Variants in PEAR1 observed in about 807,000 individuals in gnomAD.
PEAR1 encodes multiple EGF-like domains protein 12.
PEAR1 carries 113 observed loss-of-function variants against 131.2 expected under a neutral mutation model. That is an observed-to-expected ratio of 0.86 (90% CI 0.74 to 1.01). The LOEUF is 1.01. Among genes scored for constraint, PEAR1 ranks in the 50% least tolerant of loss-of-function variants. The pLI is 0.00. For synonymous variants in PEAR1, 565 were observed against 523.3 expected (o/e 1.08, Z -1.09); for missense variants, 1,408 against 1,391.1 (o/e 1.01, Z -0.19).
In PEAR1 at chr1:156,916,323, T is replaced by G. The variant is rs1034321183; in HGVS notation, c.*1525T>G. ...ATATTTCAAGCATTTTCATTGTTAT[T>G]ATATGTGTTATAGTGATCTGTGATC... is the stretch of plus-strand genomic sequence containing the variant. On this transcript the variant is annotated 3_prime_UTR_variant, in exon 23 of 23. Transcript: ENST00000292357. 1 of 152,242 alleles carries G rather than the reference T, an allele frequency of 6.6e-6. No homozygotes were observed. The highest frequency in any genetic ancestry group is 1.5e-5 in the Non-Finnish European group (1 of 68,046). 9.4% of individuals were successfully genotyped at this position (152,242 alleles called of 1,614,324 possible).
chr1:156,907,498 A>G (rs766268910), intron 6 of PEAR1, 112 bp from the exon 7 acceptor site: 8 of 1,468,894 alleles, frequency 5.4e-6, no homozygotes, highest in South Asian at 1.5e-5. Flanking sequence ...AGGAAAGAGC[A>G]AGTGTGAATC....
intron 5 of PEAR1, 62 bp downstream of exon 5, chr1:156,906,430 G>A: frequency 4.4e-6 from 7 of 1,588,908 alleles, no homozygotes; most frequent in East Asian, 2.2e-5. Flanking sequence ...GGACCCTCAG[G>A]TACACCCTCC....
intron 1 of PEAR1, among the ~76,000 whole-genome samples, chr1:156,897,002 G>A (rs1020764664): frequency 3.9e-5 from 6 of 152,216 alleles, no homozygotes; most frequent in Middle Eastern, 3.2e-3. Context: ...CTACTGTCTG[G>A]AGTACGGGGA....
chr1:156,896,229 A>G (rs1649148644), intron 1 of PEAR1, among the ~76,000 whole-genome samples: 1 of 152,308 alleles, frequency 6.6e-6, no homozygotes, highest in Admixed American at 6.5e-5. Flanking sequence ...GCATAATAGC[A>G]CTTACTTTAT....
At chr1:156,914,223 C>G in intron 22 of PEAR1, 123 bp downstream of exon 22, 1 of 1,412,264 alleles carries the variant, frequency 7.1e-7, no homozygotes, top group South Asian at 1.5e-5. Flanking sequence ...CCTTTGGGGT[C>G]AGCTTCGGGC....
rs959193994 is a variant in PEAR1, at chr1:156,907,496, G to A, written c.645-114G>A. On this transcript the variant is annotated intron_variant, in intron 6 of 22. Transcript: ENST00000292357. ...ACTCGACAGTCCCCAGCAGGAAAGA[G>A]CAAGTGTGAATCACTAAGTCCTGAG... 1.8e-5 allele frequency: 26 copies of A among 1,469,518 alleles called. No individual in the cohort carries two copies. The Admixed American group carries it at 4.4e-4, about 25-fold the overall frequency. 91.0% of individuals were successfully genotyped at this position (1,469,518 alleles called of 1,614,324 possible). A position where few individuals can be genotyped will look rare whatever the true frequency, so the allele number is the denominator to read the frequency against.
intron 22 of PEAR1, 115 bp downstream of exon 22, chr1:156,914,215 T>C: frequency 7.0e-7 from 1 of 1,426,262 alleles, no homozygotes; most frequent in Non-Finnish European, 9.3e-7. Context: ...GAGTGAGGCC[T>C]TTGGGGTCAG....
intron 3 of PEAR1, 131 bp downstream of exon 3, chr1:156,904,983 G>A (rs745666754): frequency 1.3e-6 from 2 of 1,555,950 alleles, no homozygotes; most frequent in Non-Finnish European, 1.7e-6. Context: ...GATTCATTCT[G>A]CATGGTCTGT....
chr1:156,912,169 T>TC lies in PEAR1; in HGVS notation c.1952-77dup, dbSNP rs528242119. Reference sequence around the variant, plus strand: ...GGAGACCAAAGCTGAGCTAAAGGCTTCAGTGATGCTGGGGGCTGAGAGTTC... The same window carrying TC: ...GGAGACCAAAGCTGAGCTAAAGGCTTCCAGTGATGCTGGGGGCTGAGAGTTC... On this transcript the variant is annotated intron_variant, in intron 15 of 22. Coordinates refer to ENST00000292357, the MANE Select transcript of PEAR1 (RefSeq NM_001080471.3). 1.7e-3 allele frequency: 2,651 copies of TC among 1,525,710 alleles called. 4 individuals are homozygous for TC. Among genetic ancestry groups the TC allele is most frequent in the Middle Eastern group, 7.4e-3 (33 of 4,488 alleles). The allele number at this position is 1,525,710 out of a possible 1,614,324, so 94.5% of individuals were successfully genotyped here. A position where few individuals can be genotyped will look rare whatever the true frequency, so the allele number is the denominator to read the frequency against.
chr1:156,916,119 A>C lies in PEAR1; in HGVS notation c.*1321A>C, dbSNP rs1031668900. 2 of 152,212 alleles carry C rather than the reference A, an allele frequency of 1.3e-5. No homozygotes were observed. The highest frequency in any genetic ancestry group is 1.3e-4 in the Admixed American group (2 of 15,276). The allele number at this position is 152,212 out of a possible 1,614,324, so 9.4% of individuals were successfully genotyped here. A position where few individuals can be genotyped will look rare whatever the true frequency, so the allele number is the denominator to read the frequency against. ...ATTTATTGCACTTCACAGGTAGCAG[A>C]ATTTTTAAAGAAATTGAAGGTTTTG... On this transcript the variant is annotated 3_prime_UTR_variant, in exon 23 of 23. Coordinates refer to ENST00000292357, the MANE Select transcript of PEAR1 (RefSeq NM_001080471.3).
rs370101231 is a variant in PEAR1, at chr1:156,905,321, C to T, written c.207-3C>T. On this transcript the variant is annotated splice_region_variant and splice_polypyrimidine_tract_variant and intron_variant, in intron 3 of 22. Transcript: ENST00000292357. Reference sequence around the variant, plus strand: ...CTGAGGGCCGCCTTCCTGGCCTCCGCAGGGTTGTATACCGGACCGTGTACC... The same window carrying T: ...CTGAGGGCCGCCTTCCTGGCCTCCGTAGGGTTGTATACCGGACCGTGTACC... The T allele has an allele frequency of 1.9e-6, 3 of 1,610,870 alleles. No individual in the cohort carries two copies. In the African/African-American group the frequency reaches 4.0e-5, roughly 22 times the overall value.
At position 156,908,246 on chromosome 1, in the gene PEAR1, A is replaced by G; in HGVS notation, c.1021A>G (p.Thr341Ala). The change falls in exon 9 of 23, where the codon ACT (threonine) becomes GCT (alanine). Residue 341 changes from threonine (T) to alanine (A), a missense_variant. By Grantham distance (58) the Thr-to-Ala change is moderately conservative. Transcript: ENST00000292357. This position sits in a 1 kb window ranked among gnomAD's most constrained non-coding sequence, Gnocchi z 4.2. The part of the protein sequence containing the change: ...NGACLCEHGF[T>A]GDRCTDRLCP... Reference sequence around the variant, plus strand: ...CGCATGTCTGTGCGAACACGGCTTCACTGGGGACCGCTGCACGGATCGCCT... The same window carrying G: ...CGCATGTCTGTGCGAACACGGCTTCGCTGGGGACCGCTGCACGGATCGCCT... 2 of 1,599,146 alleles carry G rather than the reference A, an allele frequency of 1.3e-6. No individual in the cohort carries two copies. The highest frequency in any genetic ancestry group is 1.7e-6 in the Non-Finnish European group (2 of 1,177,150).
chr1:156,904,064 C>G lies in PEAR1; in HGVS notation c.101+37C>G, dbSNP rs771584847. On this transcript the variant is annotated intron_variant, in intron 2 of 22. Transcript: ENST00000292357. ...CCTGCTGCACCTTGAGGGCACCAAG[C>G]CCTAGCTCCCGATTGTCCCTATTGT... 5 of 1,541,250 alleles carry G rather than the reference C, an allele frequency of 3.2e-6. No homozygotes were observed. In the Middle Eastern group the frequency reaches 5.1e-4, roughly 156 times the overall value.
intron 1 of PEAR1, among the ~76,000 whole-genome samples, 179 bp from the exon 2 acceptor site, chr1:156,903,739 G>A (rs1172862369): frequency 3.3e-5 from 5 of 152,194 alleles, no homozygotes; most frequent in Non-Finnish European, 4.4e-5. Context: ...CCGGAGGCGT[G>A]GAAGTGACTG....
intron 5 of PEAR1, 46 bp downstream of exon 5, chr1:156,906,414 G>T (rs6688345): frequency 6.2e-7 from 1 of 1,603,262 alleles, no homozygotes; most frequent in Non-Finnish European, 8.5e-7. Flanking sequence ...TGCCTTCAGG[G>T]CCACAGGACC....
In PEAR1 at chr1:156,912,798, G is replaced by A. The variant is rs75198597; in HGVS notation, c.2238G>A (p.Pro746=). The change falls in exon 18 of 23, where the codon CCG becomes CCA. Residue 746 remains proline, a synonymous_variant. Transcript: ENST00000292357. ...IGIQEPFTVM[P]TTPVAYNSLG... is the part of the protein sequence containing the mutation. ...TCCAGGAGCCCTTTACTGTGATGCC[G>A]ACCACTCCAGTAGCGTATAACTCGC... 2.3e-3 allele frequency: 3,640 copies of A among 1,614,144 alleles called. 70 individuals are homozygous for A. The African/African-American group carries it at 0.041, about 18-fold the overall frequency.
At chr1:156,904,138 T>TCTGA (rs1649971705) in intron 2 of PEAR1, 111 bp downstream of exon 2, 1 of 834,094 alleles carries the variant, frequency 1.2e-6, no homozygotes, top group Admixed American at 2.0e-5. Flanking sequence ...CTTCCTTCTC[T>TCTGA]CTAGTCTCTC....
At chr1:156,914,558 T>C in intron 22 of PEAR1, 89 bp from the exon 23 acceptor site, 1 of 1,342,182 alleles carries the variant, frequency 7.5e-7, no homozygotes, top group Non-Finnish European at 1.0e-6. Context: ...TTGAAGAGGC[T>C]GAAGAGGAGA....
intron 1 of PEAR1, 42 bp downstream of exon 1, chr1:156,893,879 G>A (rs369333582): frequency 6.6e-6 from 1 of 152,270 alleles, no homozygotes; most frequent in Admixed American, 6.5e-5. Context: ...GCCCGGTGGT[G>A]CGGCCCCGGA....
Sources: allele counts gnomAD v4.1 joint callset (sites outside exome capture counted in the v4.1 genomes callset), GRCh38; gene constraint gnomAD v4.1.1; non-coding constraint Gnocchi (gnomAD v3.1); transcripts MANE v1.5; gene names NCBI Gene and HGNC (gene_info 2026-07-23, HGNC 2026-07-21).